The following DEPDC7 variants were observed in gnomAD, a reference collection of about 807,000 sequenced individuals.
DEPDC7 encodes DEP domain-containing protein 7.
In DEPDC7, 41 loss-of-function variants were observed where a neutral mutation model predicts 56.6. That is an observed-to-expected ratio of 0.72 (90% CI 0.56 to 0.94). The LOEUF is 0.94. Ranked by LOEUF, DEPDC7 falls within the 40% of genes least tolerant of loss-of-function variation. The probability of loss-of-function intolerance (pLI) is 0.00; values close to 1 mark genes in which losing one functional copy is unlikely to be tolerated. For synonymous variants in DEPDC7, 185 were observed against 208.8 expected (o/e 0.89, Z 0.98); for missense variants, 522 against 596.3 (o/e 0.88, Z 1.30).
At chr11:33,032,303 C>G (rs1261194855) in intron 5 of DEPDC7, 33 bp from the exon 6 acceptor site, 1 of 1,540,874 alleles carries the variant, frequency 6.5e-7, no homozygotes, top group Non-Finnish European at 8.7e-7. Context: ...CATATTTGGT[C>G]AATTAAAAGC....
At chr11:33,016,307 T>G in intron 1 of DEPDC7, 1 of 1,396,132 alleles carries the variant, frequency 7.2e-7, no homozygotes, top group Non-Finnish European at 9.2e-7. Flanking sequence ...CGCGTTGGTC[T>G]GTGCGCCCGC....
chr11:33,016,138 A>G, intron 1 of DEPDC7, 110 bp downstream of exon 1: 3 of 1,235,448 alleles, frequency 2.4e-6, no homozygotes, highest in Non-Finnish European at 3.0e-6. Flanking sequence ...TGCGCCTGTC[A>G]ACGGCCGGCT....
At chr11:33,027,563 A>C (rs1255450993) in intron 2 of DEPDC7, 123 bp from the exon 3 acceptor site, 3 of 758,072 alleles carry the variant, frequency 4.0e-6, no homozygotes, top group Non-Finnish European at 5.7e-6. Flanking sequence ...CTACTCTTAG[A>C]ATTTGGATTT....
At chr11:33,016,674 T>A (rs2133655002) in intron 1 of DEPDC7, 1 of 1,391,138 alleles carries the variant, frequency 7.2e-7, no homozygotes, top group East Asian at 2.3e-5. Context: ...AGGAGGGAAG[T>A]TGGCAAATTC....
intron 4 of DEPDC7, among the ~76,000 whole-genome samples, chr11:33,029,656 A>G (rs905322988): frequency 2.0e-5 from 3 of 152,136 alleles, no homozygotes; most frequent in African/African-American, 4.8e-5. Context: ...AGGCTCTTCT[A>G]TAAAAATTAT....
chr11:33,016,722 T>TG, intron 1 of DEPDC7: 1 of 780,472 alleles, frequency 1.3e-6, no homozygotes, highest in Non-Finnish European at 2.1e-6. Flanking sequence ...GGGCAGTTGA[T>TG]TTAGGATTCT....
intron 4 of DEPDC7, 55 bp downstream of exon 4, chr11:33,028,847 T>A (rs1853605150): frequency 7.3e-6 from 10 of 1,365,190 alleles, no homozygotes; most frequent in Middle Eastern, 1.9e-4. Flanking sequence ...ATTGAGATAA[T>A]GGTTTTAAGG....
rs1853571795 is a variant in DEPDC7 at position 33,025,836 on chromosome 11, A to G, written c.251A>G (p.Tyr84Cys). Residue 84 changes from tyrosine (Y) to cysteine (C), a missense_variant, in exon 2 of 9, where the codon TAT becomes TGT. Tyr to Cys is a radical substitution (Grantham distance 194). Coordinates refer to ENST00000241051, the MANE Select transcript of DEPDC7 (RefSeq NM_001077242.2). ...VIFSHLIQNK[Y>C]FGDVDIPRAK... Reference sequence around the variant, plus strand: ...TTTTCTCACCTAATTCAGAATAAGTATTTTGGTGATGTAGATATTCCTCGA... The same window carrying G: ...TTTTCTCACCTAATTCAGAATAAGTGTTTTGGTGATGTAGATATTCCTCGA... 1.1e-5 allele frequency: 17 copies of G among 1,614,186 alleles called. No individual in the cohort carries two copies. The highest frequency in any genetic ancestry group is 1.4e-5 in the Non-Finnish European group (17 of 1,180,020).
At chr11:33,016,330 C>G (rs1225504830) in intron 1 of DEPDC7, 1 of 1,397,048 alleles carries the variant, frequency 7.2e-7, no homozygotes, top group African/African-American at 1.5e-5. Context: ...ACGTGCCAGG[C>G]ACGCGCCGGG....
Position 33,028,698 on chromosome 11 carries a change from G to A in DEPDC7, c.688G>A (p.Val230Ile), listed in dbSNP as rs1445344395. 6.2e-7 allele frequency: 1 copy of A among 1,613,790 alleles called. No homozygotes were observed. Among genetic ancestry groups the A allele is most frequent in the Non-Finnish European group, 8.5e-7 (1 of 1,179,938 alleles). ...CTCCTTACTGAAACAGCAAGAGGCT[G>A]TACCTAAAATTCCTCAACCTAAGAG... is the stretch of plus-strand genomic sequence containing the variant. ...LDSLLKQQEA[V>I]PKIPQPKRQS... is the part of the protein sequence containing the mutation. Residue 230 changes from valine (V) to isoleucine (I), a missense_variant, in exon 4 of 9, where the codon GTA (valine) becomes ATA (isoleucine). Physicochemically the swap from Val to Ile is conservative, Grantham distance 29. Transcript: ENST00000241051.
At chr11:33,029,752 AG>A (rs1432526285) in intron 4 of DEPDC7, among the ~76,000 whole-genome samples, 1 of 152,238 alleles carries the variant, frequency 6.6e-6, no homozygotes, top group Non-Finnish European at 1.5e-5. Flanking sequence ...CTAATTAAGG[AG>A]ATGAAAATGT....
rs775479621 is a variant in DEPDC7, at chr11:33,033,438, G to A, written c.1519G>A (p.Glu507Lys). Reference sequence around the variant, plus strand: ...TAAGTGTCACCCAGACATCTTTATTGAGCATTTTGGAGACTGAGTTTTTAA... The same window carrying A: ...TAAGTGTCACCCAGACATCTTTATTAAGCATTTTGGAGACTGAGTTTTTAA... ...FYKCHPDIFI[E>K]HFGD The change falls in exon 9 of 9, where the codon GAG (glutamate) becomes AAG (lysine). Residue 507 changes from glutamate (E) to lysine (K), a missense_variant. Glu to Lys is a moderately conservative substitution (Grantham distance 56, BLOSUM62 1). Coordinates refer to ENST00000241051, the MANE Select transcript of DEPDC7 (RefSeq NM_001077242.2). 1 of 1,574,232 alleles carries A rather than the reference G, an allele frequency of 6.4e-7. No individual in the cohort carries two copies. The highest frequency in any genetic ancestry group is 1.2e-5 in the South Asian group (1 of 83,796).
chr11:33,025,613 A>T, intron 1 of DEPDC7, 46 bp from the exon 2 acceptor site: 6 of 1,550,044 alleles, frequency 3.9e-6, no homozygotes, highest in Non-Finnish European at 5.2e-6. Context: ...ATTACAAATG[A>T]ACAAGGTACT....
rs538053085 is a variant in DEPDC7, at chr11:33,022,338, G to T, written c.74-3321G>T. ...ACTTAATCCAAGTTTCCAGTGAAAGGTTAATGCTTAAACAACTTATCTGAT... is the reference window on the plus strand; with the variant it reads ...ACTTAATCCAAGTTTCCAGTGAAAGTTTAATGCTTAAACAACTTATCTGAT... On this transcript the variant is annotated intron_variant, in intron 1 of 8. Coordinates refer to ENST00000241051, the MANE Select transcript of DEPDC7 (RefSeq NM_001077242.2). Among the ~76,000 whole-genome samples the T allele has an allele frequency of 4.3e-4, 65 of 152,280 alleles. 1 individual carries two copies. Among genetic ancestry groups the T allele is most frequent in the East Asian group, 1.5e-3 (8 of 5,192 alleles).
intron 8 of DEPDC7, 73 bp from the exon 9 acceptor site, chr11:33,033,189 A>ATT (rs1853651846): frequency 1.7e-6 from 2 of 1,203,402 alleles, no homozygotes; most frequent in Non-Finnish European, 2.4e-6. Context: ...AAAGACAAGA[A>ATT]TATTGCTTGA....
At chr11:33,031,249 C>A in intron 4 of DEPDC7, 129 bp from the exon 5 acceptor site, 1 of 656,936 alleles carries the variant, frequency 1.5e-6, no homozygotes, top group Non-Finnish European at 2.7e-6. Flanking sequence ...ATCTTTTAAG[C>A]TCATGTAGAA....
In DEPDC7 at chr11:33,030,297, G is replaced by A. The variant is rs766609581; in HGVS notation, c.783-1081G>A. ...TTTTATATACAAAATCAGAATTTGC[G>A]CTAGAAGTGACCTTAAAGATCATCT... On this transcript the variant is annotated intron_variant, in intron 4 of 8. Coordinates refer to ENST00000241051, the MANE Select transcript of DEPDC7 (RefSeq NM_001077242.2). 2.2e-4 allele frequency among the ~76,000 whole-genome samples: 33 copies of A among 152,160 alleles called. No individual in the cohort carries two copies. In the Middle Eastern group the frequency reaches 0.01, roughly 47 times the overall value.
chr11:33,031,319 C>T, intron 4 of DEPDC7, 59 bp from the exon 5 acceptor site: 2 of 1,314,870 alleles, frequency 1.5e-6, no homozygotes, highest in Non-Finnish European at 1.1e-6. Flanking sequence ...ATTTGTTATT[C>T]TTTGCCTTTT....
chr11:33,031,719 G>A, intron 5 of DEPDC7, 130 bp downstream of exon 5: 2 of 758,182 alleles, frequency 2.6e-6, no homozygotes, highest in Non-Finnish European at 4.2e-6. Context: ...TGGAAAGTAT[G>A]TTTGTTCAAA....
Sources: allele counts gnomAD v4.1 joint callset (sites outside exome capture counted in the v4.1 genomes callset), GRCh38; gene constraint gnomAD v4.1.1; transcripts MANE v1.5; gene names NCBI Gene and HGNC (gene_info 2026-07-23, HGNC 2026-07-21).